The following HDAC9 variants were observed in gnomAD, a reference collection of about 807,000 sequenced individuals.
HDAC9 encodes histone deacetylase 9, also known as MEF-2 interacting transcription repressor (MITR) protein.
HDAC9 carries 41 observed loss-of-function variants against 139.4 expected under a neutral mutation model. The observed-to-expected ratio is 0.29, with a 90% CI of 0.23 to 0.38. The LOEUF is 0.38. HDAC9 is among the 10% of genes least tolerant of loss of function. HDAC9 has a pLI of 1.00. For synonymous variants in HDAC9, 517 were observed against 476.2 expected (o/e 1.09, Z -1.12); for missense variants, 1,147 against 1,297.0 (o/e 0.88, Z 1.78).
chr7:18,465,677 A>AT (rs776879094), intron 1 of HDAC9, among the ~76,000 whole-genome samples: 40 of 151,780 alleles, frequency 2.6e-4, no homozygotes, highest in East Asian at 7.7e-4. Flanking sequence ...TCATTCCTTG[A>AT]TTTTTTTTGA....
At chr7:18,793,527 G>A (rs1792514290) in intron 17 of HDAC9, 75 bp downstream of exon 17, 4 of 969,888 alleles carry the variant, frequency 4.1e-6, no homozygotes, top group African/African-American at 3.2e-5. Flanking sequence ...TGTGGGAATT[G>A]CGGGGAGTGT....
At position 19,002,271 on chromosome 7, in the gene HDAC9, C is replaced by G. The variant is rs967467987; in HGVS notation, c.*6209C>G. 6.6e-6 allele frequency: 1 copy of G among 152,006 alleles called. No individual in the cohort carries two copies. Among genetic ancestry groups the G allele is most frequent in the Non-Finnish European group, 1.5e-5 (1 of 67,952 alleles). The allele number at this position is 152,006 out of a possible 1,614,324, so 9.4% of individuals were successfully genotyped here. ...GATTCCTTTTTTGTATTTGAAAATG[C>G]AATGGTGTGTTCCAAATTATTGTTG... On this transcript the variant is annotated 3_prime_UTR_variant, in exon 26 of 26. Coordinates refer to ENST00000686413, the MANE Select transcript of HDAC9 (RefSeq NM_178425.4).
At chr7:18,096,434 G>A (rs943946866) in intron 1 of HDAC9, among the ~76,000 whole-genome samples, 5 of 152,060 alleles carry the variant, frequency 3.3e-5, no homozygotes, top group South Asian at 4.1e-4. Flanking sequence ...GTTTTTAAAC[G>A]TTTATTCAGA....
intron 2 of HDAC9, among the ~76,000 whole-genome samples, chr7:18,236,148 C>T (rs528056415): frequency 3.9e-5 from 6 of 152,286 alleles, no homozygotes; most frequent in African/African-American, 1.2e-4. Flanking sequence ...CTGGAAGAGT[C>T]TTATCCTTGT....
At chr7:18,483,091 G>T (rs183309651) in intron 1 of HDAC9, among the ~76,000 whole-genome samples, 1 of 152,248 alleles carries the variant, frequency 6.6e-6, no homozygotes, top group East Asian at 1.9e-4. Context: ...AGTAAATTAC[G>T]CTTTATATAC....
chr7:18,609,630 A>G (rs908853374), intron 6 of HDAC9, among the ~76,000 whole-genome samples: 4 of 152,196 alleles, frequency 2.6e-5, no homozygotes, highest in Middle Eastern at 3.4e-3. Flanking sequence ...TTTTTTAAAT[A>G]TATATATATT....
chr7:18,778,882 A>G (rs1246598183), intron 16 of HDAC9, among the ~76,000 whole-genome samples: 10 of 152,106 alleles, frequency 6.6e-5, no homozygotes, highest in Non-Finnish European at 1.3e-4. Flanking sequence ...TGCAAGGTCA[A>G]TGGAGCTGCC....
chr7:18,580,703 A>C (rs1047971513), intron 2 of HDAC9, among the ~76,000 whole-genome samples: 1 of 152,220 alleles, frequency 6.6e-6, no homozygotes, highest in Non-Finnish European at 1.5e-5. Flanking sequence ...AGGAATTTGC[A>C]TGTTCCCAGA....
In HDAC9 at chr7:18,369,375, A is replaced by G. The variant is rs1176665670; in HGVS notation, c.-42+78860A>G. ...ATAGTGGTATTTAAAATATTGTAAT[A>G]ACATGCTTACCATGTTCTCTGAAAG... On this transcript the variant is annotated intron_variant, in intron 1 of 3. Coordinates refer to the HDAC9 transcript ENST00000413509. 3.9e-5 allele frequency among the ~76,000 whole-genome samples: 6 copies of G among 152,108 alleles called. No individual in the cohort carries two copies. In the East Asian group the frequency reaches 9.6e-4, roughly 24 times the overall value.
chr7:18,473,636 A>G (rs1398799411), intron 1 of HDAC9, among the ~76,000 whole-genome samples: 1 of 152,262 alleles, frequency 6.6e-6, no homozygotes, highest in Admixed American at 6.5e-5. Context: ...AAGACAAAAC[A>G]TACATCGAGT....
intron 1 of HDAC9, among the ~76,000 whole-genome samples, chr7:18,346,510 T>C (rs1372024787): frequency 6.6e-6 from 1 of 152,282 alleles, no homozygotes; most frequent in Admixed American, 6.5e-5. Flanking sequence ...CTAAAAGATA[T>C]ATGTGAATAT....
At chr7:18,723,832 TAAAA>T (rs1785320821) in intron 12 of HDAC9, among the ~76,000 whole-genome samples, 1 of 152,100 alleles carries the variant, frequency 6.6e-6, no homozygotes, top group South Asian at 2.1e-4. Context: ...GGCCATGTGA[TAAAA>T]AAAGAAACAT....
intron 1 of HDAC9, among the ~76,000 whole-genome samples, chr7:18,398,116 A>T (rs528745561): frequency 1.3e-5 from 2 of 152,206 alleles, no homozygotes; most frequent in African/African-American, 4.8e-5. Context: ...ATCCATTTCT[A>T]AACCCGAATC....
chr7:18,462,438 A>G (rs376188914), intron 1 of HDAC9, among the ~76,000 whole-genome samples: 8 of 152,194 alleles, frequency 5.3e-5, no homozygotes, highest in East Asian at 3.9e-4. Context: ...AAAATGCTCA[A>G]TGAACATATT....
intron 14 of HDAC9, among the ~76,000 whole-genome samples, chr7:18,751,893 C>G (rs1788480035): frequency 1.3e-5 from 2 of 151,940 alleles, no homozygotes; most frequent in African/African-American, 4.8e-5. Context: ...GAGATTATTC[C>G]AAACCAGGTT....
At chr7:18,264,270 C>T (rs1280997304) in intron 2 of HDAC9, among the ~76,000 whole-genome samples, 1 of 151,868 alleles carries the variant, frequency 6.6e-6, no homozygotes, top group Non-Finnish European at 1.5e-5. Context: ...ATTTGCTAGG[C>T]CATAAAATAA....
At position 18,935,798 on chromosome 7, in the gene HDAC9, T is replaced by C; in HGVS notation, c.2804-11T>C. On this transcript the variant is annotated splice_polypyrimidine_tract_variant and intron_variant, in intron 22 of 25. Coordinates refer to ENST00000686413, the MANE Select transcript of HDAC9 (RefSeq NM_178425.4). ...TTAATACTTTGAAATGTTCTGTTTG[T>C]ATTATGGTAGGTTTTGGTCATTTGA... 1 of 1,610,918 alleles carries C rather than the reference T, an allele frequency of 6.2e-7. No homozygotes were observed. Among genetic ancestry groups the C allele is most frequent in the Non-Finnish European group, 8.5e-7 (1 of 1,177,616 alleles).
intron 2 of HDAC9, among the ~76,000 whole-genome samples, chr7:18,559,982 A>G (rs561832788): frequency 1.6e-4 from 25 of 152,342 alleles, no homozygotes; most frequent in African/African-American, 5.5e-4. Context: ...AATAGATAAT[A>G]CATGACATGA....
intron 12 of HDAC9, among the ~76,000 whole-genome samples, chr7:18,694,065 G>T (rs1054321737): frequency 3.3e-5 from 5 of 152,104 alleles, no homozygotes; most frequent in African/African-American, 1.2e-4. Flanking sequence ...TTTCACATTT[G>T]TATTTTGCAA....
Sources: allele counts gnomAD v4.1 joint callset (sites outside exome capture counted in the v4.1 genomes callset), GRCh38; gene constraint gnomAD v4.1.1; transcripts MANE v1.5; gene names NCBI Gene and HGNC (gene_info 2026-07-23, HGNC 2026-07-21).